Variants in STAP1 observed in about 807,000 individuals in gnomAD.
STAP1 encodes the protein signal transducing adaptor family member 1.
STAP1 carries 30 observed loss-of-function variants against 37.8 expected under a neutral mutation model. That is an observed-to-expected ratio of 0.79 (90% CI 0.59 to 1.08). The LOEUF (loss-of-function observed/expected upper bound fraction) is 1.08, where lower values mean the gene tolerates loss of function less well. Ranked by LOEUF, STAP1 falls within the 50% of genes least tolerant of loss-of-function variation. The pLI is 0.00. For missense variants in STAP1, 357 were observed against 349.4 expected (o/e 1.02, Z -0.17); for synonymous variants, 130 against 116.0 (o/e 1.12, Z -0.78).
intron 8 of STAP1, among the ~76,000 whole-genome samples, chr4:67,605,481 C>T (rs187738643): frequency 8.0e-4 from 121 of 151,486 alleles, no homozygotes; most frequent in South Asian, 4.8e-3. Flanking sequence ...GCTTTGTGGT[C>T]GGGAACAAAC....
rs989006924 is a variant in STAP1, at chr4:67,606,500, T to C, written c.*143T>C. ...GAACACCAGAATTAGAATTAAACAT[T>C]GTACCATACAATTTCATTATCTTAT... On this transcript the variant is annotated 3_prime_UTR_variant, in exon 9 of 9. Transcript: ENST00000265404. 8.1e-5 allele frequency: 55 copies of C among 675,886 alleles called. No homozygotes were observed. In the Middle Eastern group the frequency reaches 3.0e-3, roughly 36 times the overall value. The allele number at this position is 675,886 out of a possible 1,614,324, so 41.9% of individuals were successfully genotyped here.
chr4:67,575,455 C>A lies in STAP1; in HGVS notation c.263C>A (p.Ala88Glu), dbSNP rs759385053. The change falls in exon 3 of 9, where the codon GCG becomes GAG. Residue 88 changes from alanine to glutamate, a missense_variant. Ala to Glu is a moderately radical substitution (Grantham distance 107). Transcript: ENST00000265404. Reference sequence around the variant, plus strand: ...CAGAATTCAACTGAAAAGAACTGTGCGAAATTCACCCTTGTTTTGCCGAAA... The same window carrying A: ...CAGAATTCAACTGAAAAGAACTGTGAGAAATTCACCCTTGTTTTGCCGAAA... Reference protein sequence around the residue: ...TEQNSTEKNCAKFTLVLPKEE... With the variant: ...TEQNSTEKNCEKFTLVLPKEE... The A allele has an allele frequency of 6.2e-7, 1 of 1,608,932 alleles. No individual in the cohort carries two copies. Among genetic ancestry groups the A allele is most frequent in the South Asian group, 1.1e-5 (1 of 89,718 alleles).
At chr4:67,582,321 G>A (rs117841994) in intron 5 of STAP1, among the ~76,000 whole-genome samples, 2,032 of 131,930 alleles carry the variant, frequency 0.015, 49 homozygotes, top group African/African-American at 0.052. Flanking sequence ...TGTTTTTTTT[G>A]TTTTTTTTGA....
chr4:67,563,099 T>C (rs1043040290), intron 1 of STAP1, among the ~76,000 whole-genome samples: 4 of 152,182 alleles, frequency 2.6e-5, no homozygotes, highest in Admixed American at 6.5e-5. Flanking sequence ...TCATTTTTGC[T>C]AGTTAATTCA....
At chr4:67,606,053 C>T (rs1248850693) in intron 8 of STAP1, among the ~76,000 whole-genome samples, 1 of 151,794 alleles carries the variant, frequency 6.6e-6, no homozygotes, top group Non-Finnish European at 1.5e-5. Flanking sequence ...AAAGCCGCTT[C>T]AAAATATAAG....
chr4:67,580,908 T>A (rs3775872), intron 4 of STAP1, among the ~76,000 whole-genome samples: 93,798 of 152,118 alleles, frequency 0.62, 29,228 homozygotes, highest in Middle Eastern at 0.7. Context: ...GGGGGAAATC[T>A]TTTCAGATAA....
chr4:67,560,418 C>A (rs1241172536), intron 1 of STAP1, among the ~76,000 whole-genome samples: 1 of 152,042 alleles, frequency 6.6e-6, no homozygotes, highest in Non-Finnish European at 1.5e-5. Context: ...CTCCTATGCA[C>A]CAAGCATCAC....
chr4:67,562,843 T>C (rs564172834), intron 1 of STAP1, among the ~76,000 whole-genome samples: 2 of 151,972 alleles, frequency 1.3e-5, no homozygotes, highest in South Asian at 4.1e-4. Context: ...TATTAATCCA[T>C]GTAAATTATT....
At chr4:67,581,861 C>A (rs894438140) in intron 5 of STAP1, among the ~76,000 whole-genome samples, 2 of 152,210 alleles carry the variant, frequency 1.3e-5, no homozygotes. Context: ...ATGTTCTATT[C>A]AACTGACCAA....
rs1380744463 is a variant in STAP1 at position 67,596,870 on chromosome 4, AG to A, written c.826+3516del. 9.2e-5 allele frequency among the ~76,000 whole-genome samples: 14 copies of A among 152,318 alleles called. 1 individual carries two copies. In the East Asian group the frequency reaches 1.9e-3, roughly 21 times the overall value. ...TTGAAATTGGAACTTATGTGTAAAA[AG>A]GAAGCAGAGCATAGAGGTTTGGAAA... On this transcript the variant is annotated intron_variant, in intron 8 of 8. Transcript: ENST00000265404.
intron 8 of STAP1, among the ~76,000 whole-genome samples, chr4:67,595,305 T>C (rs1298193850): frequency 2.0e-5 from 3 of 147,648 alleles, no homozygotes; most frequent in African/African-American, 7.7e-5. Context: ...TCCCAGCACT[T>C]TGGGAGGACA....
intron 1 of STAP1, among the ~76,000 whole-genome samples, chr4:67,560,445 T>C (rs1727307833): frequency 6.6e-6 from 1 of 152,158 alleles, no homozygotes; most frequent in Admixed American, 6.5e-5. Flanking sequence ...CTGGAGAATA[T>C]GGAAAAAAAC....
At position 67,606,409 on chromosome 4, in the gene STAP1, C is replaced by A; in HGVS notation, c.*52C>A. On this transcript the variant is annotated 3_prime_UTR_variant, in exon 9 of 9. Transcript: ENST00000265404. ...ATCTTGGTAATTTATATTTTCAAAACGAAGTTCTTACTTTTAAAGAGAATT... is the reference window on the plus strand; with the variant it reads ...ATCTTGGTAATTTATATTTTCAAAAAGAAGTTCTTACTTTTAAAGAGAATT... 1 of 1,508,794 alleles carries A rather than the reference C, an allele frequency of 6.6e-7. No homozygotes were observed. Among genetic ancestry groups the A allele is most frequent in the Non-Finnish European group, 9.0e-7 (1 of 1,108,004 alleles). 93.5% of individuals were successfully genotyped at this position (1,508,794 alleles called of 1,614,324 possible).
In STAP1 at chr4:67,571,115, GA is replaced by G. The variant is rs1472006232; in HGVS notation, c.154del (p.Thr52LeufsTer12). 1 of 1,611,716 alleles carries G rather than the reference GA, an allele frequency of 6.2e-7. No individual in the cohort carries two copies. The highest frequency in any genetic ancestry group is 8.5e-7 in the Non-Finnish European group (1 of 1,178,054). On this transcript the variant is annotated frameshift_variant, in exon 2 of 9. Coordinates refer to ENST00000265404, the MANE Select transcript of STAP1 (RefSeq NM_012108.4). LOFTEE classifies it high-confidence loss of function. ...EYEHYWTELR[G>X]TTLFFYTDKK... is the part of the protein sequence containing the mutation. The stretch of plus-strand genomic sequence containing the variant: ...GAGCATTACTGGACAGAGTTGAGAG[GA>G]ACTACTCTTTTCTTTTATACCGACA...
chr4:67,558,954 A>C (rs147072616), intron 1 of STAP1, 25 bp downstream of exon 1: 1 of 1,546,446 alleles, frequency 6.5e-7, no homozygotes, highest in Non-Finnish European at 8.7e-7. Flanking sequence ...GATAATGTTA[A>C]ACCTAAGACT....
intron 1 of STAP1, among the ~76,000 whole-genome samples, chr4:67,566,949 C>A (rs1727484254): frequency 6.6e-6 from 1 of 151,720 alleles, no homozygotes; most frequent in Non-Finnish European, 1.5e-5. Flanking sequence ...CTAGCCTGGG[C>A]CACAGAGTGA....
intron 4 of STAP1, among the ~76,000 whole-genome samples, chr4:67,579,265 T>A (rs904919748): frequency 6.6e-6 from 1 of 152,190 alleles, no homozygotes; most frequent in Non-Finnish European, 1.5e-5. Context: ...ATGTTGTTAT[T>A]AGGATGACTT....
At chr4:67,598,196 C>T (rs1200189729) in intron 8 of STAP1, among the ~76,000 whole-genome samples, 1 of 152,150 alleles carries the variant, frequency 6.6e-6, no homozygotes, top group Non-Finnish European at 1.5e-5. Context: ...TTCCCTTGCA[C>T]TCTCTTTTTC....
At chr4:67,591,428 T>TA (rs1728116972) in intron 7 of STAP1, among the ~76,000 whole-genome samples, 2 of 152,206 alleles carry the variant, frequency 1.3e-5, no homozygotes, top group Non-Finnish European at 2.9e-5. Flanking sequence ...GCTAAGCACT[T>TA]GACATATATC....
Sources: gnomAD v4.1 joint callset for allele counts (sites outside exome capture counted in the v4.1 genomes callset) on GRCh38, gnomAD v4.1.1 for gene constraint, MANE v1.5 for transcripts, NCBI Gene and HGNC (gene_info 2026-07-23, HGNC 2026-07-21) for gene names.